Variants in PIK3R4 observed in about 807,000 individuals in gnomAD.
PIK3R4 encodes the protein phosphoinositide 3-kinase regulatory subunit 4.
In PIK3R4, 46 loss-of-function variants were observed where a neutral mutation model predicts 136.5. The ratio of observed to expected loss-of-function variants is 0.34; its 90% CI spans 0.27 to 0.43. The LOEUF (loss-of-function observed/expected upper bound fraction) is 0.43. Ranked by LOEUF, PIK3R4 falls within the 20% of genes least tolerant of loss-of-function variation. The pLI is 1.00. For missense variants in PIK3R4, 1,331 were observed against 1,649.5 expected (o/e 0.81, Z 3.35); for synonymous variants, 557 against 566.7 (o/e 0.98, Z 0.24).
intron 3 of PIK3R4, among the ~76,000 whole-genome samples, chr3:130,734,733 T>C (rs2066776625): frequency 7.4e-6 from 1 of 135,076 alleles, no homozygotes; most frequent in Non-Finnish European, 1.5e-5. Context: ...TTTGAATTTA[T>C]CCTATGGTTT....
chr3:130,727,515 G>A lies in PIK3R4; in HGVS notation c.1807+948C>T, dbSNP rs529991124. Among the ~76,000 whole-genome samples, 15 of 141,814 alleles carry A rather than the reference G, an allele frequency of 1.1e-4. No homozygotes were observed. The East Asian group carries it at 2.5e-3, about 24-fold the overall frequency. 93.0% of individuals were successfully genotyped at this position (141,814 alleles called of 152,430 possible). A position where few individuals can be genotyped will look rare whatever the true frequency, so the allele number is the denominator to read the frequency against. ...TGGGATTACAGGCGTGAGCCACGGC[G>A]CCCGGCCCTTAAAGTCTTACAGCTT... On this transcript the variant is annotated intron_variant, in intron 6 of 19. Coordinates refer to ENST00000356763, the MANE Select transcript of PIK3R4 (RefSeq NM_014602.3).
chr3:130,714,874 T>C (rs2107611874), intron 9 of PIK3R4, among the ~76,000 whole-genome samples: 2 of 152,282 alleles, frequency 1.3e-5, no homozygotes, highest in Admixed American at 1.3e-4. Context: ...TGGTTCCATG[T>C]CTTTGCTATT....
chr3:130,708,530 C>A, intron 9 of PIK3R4, 38 bp from the exon 10 acceptor site: 1 of 1,540,914 alleles, frequency 6.5e-7, no homozygotes, highest in South Asian at 1.2e-5. Context: ...AGTTTATTTT[C>A]ACAAATAATA....
chr3:130,718,338 A>G (rs750579025), intron 8 of PIK3R4, 51 bp downstream of exon 8: 1 of 1,508,654 alleles, frequency 6.6e-7, no homozygotes. Context: ...CATTTTTTTT[A>G]AAGAGGCACA....
At chr3:130,681,667 C>T (rs2066459344) in intron 16 of PIK3R4, 76 bp from the exon 17 acceptor site, 2 of 838,240 alleles carry the variant, frequency 2.4e-6, no homozygotes, top group Non-Finnish European at 3.9e-6. Flanking sequence ...AAATTGCAGT[C>T]CTGAGAGAAA....
chr3:130,706,762 T>C (rs2066608194), intron 11 of PIK3R4, among the ~76,000 whole-genome samples, 186 bp downstream of exon 11: 1 of 152,220 alleles, frequency 6.6e-6, no homozygotes, highest in Admixed American at 6.5e-5. Flanking sequence ...TTTAGTACTT[T>C]CAATAACTAG....
intron 13 of PIK3R4, among the ~76,000 whole-genome samples, chr3:130,700,251 T>A (rs770778455): frequency 4.6e-5 from 7 of 152,146 alleles, no homozygotes; most frequent in Non-Finnish European, 1.0e-4. Context: ...TACCAGTGAC[T>A]CCAAAACATG....
chr3:130,707,862 G>C, intron 10 of PIK3R4, among the ~76,000 whole-genome samples: 1 of 152,152 alleles, frequency 6.6e-6, no homozygotes, highest in Admixed American at 6.5e-5. Flanking sequence ...GTATTTCATT[G>C]TTAATAGCAA....
At chr3:130,744,326 C>T (rs1209211982) in intron 2 of PIK3R4, among the ~76,000 whole-genome samples, 160 bp downstream of exon 2, 1 of 152,184 alleles carries the variant, frequency 6.6e-6, no homozygotes, top group Non-Finnish European at 1.5e-5. Flanking sequence ...GGCATTTAAA[C>T]ATATCCAATG....
rs1160305765 is a variant in PIK3R4, at chr3:130,730,214, C to G, written c.1585+94G>C. 6 of 1,002,608 alleles carry G rather than the reference C, an allele frequency of 6.0e-6. No individual in the cohort carries two copies. The African/African-American group carries it at 9.9e-5, about 17-fold the overall frequency. 62.1% of individuals were successfully genotyped at this position (1,002,608 alleles called of 1,614,324 possible). ...CTAATATATAGATCTGGTATTCCTT[C>G]ACCTTACATGAAAACTACAAATGAT... is the stretch of plus-strand genomic sequence containing the variant. On this transcript the variant is annotated intron_variant, in intron 5 of 19. Transcript: ENST00000356763.
chr3:130,730,334 G>A lies in PIK3R4; in HGVS notation c.1559C>T (p.Thr520Ile). ...DPNNEEIDEV[T>I]HPNGNYDTEL... ...TGTGTCATAATTTCCATTTGGATGT[G>A]TAACCTCATCTATTTCTTCATTATT... The change falls in exon 5 of 20, where the codon ACA becomes ATA. Residue 520 changes from threonine to isoleucine, a missense_variant. Physicochemically the swap from Thr to Ile is moderately conservative, Grantham distance 89 (BLOSUM62 -1). Around this residue, in one of 2 missense-constraint regions of PIK3R4, gnomAD observed 1,180 missense variants for 1,407.0 expected, o/e 0.84. Transcript: ENST00000356763. The A allele has an allele frequency of 6.3e-7, 1 of 1,593,586 alleles. No individual in the cohort carries two copies. The highest frequency in any genetic ancestry group is 8.5e-7 in the Non-Finnish European group (1 of 1,171,870).
chr3:130,679,273 ATTATAT>A lies in PIK3R4; in HGVS notation c.*36_*41del, dbSNP rs776933659. 8.2e-5 allele frequency: 102 copies of A among 1,240,118 alleles called. No homozygotes were observed. Among genetic ancestry groups the A allele is most frequent in the East Asian group, 4.8e-4 (18 of 37,828 alleles). The allele number at this position is 1,240,118 out of a possible 1,614,324, so 76.8% of individuals were successfully genotyped here. Reference sequence around the variant, plus strand: ...GAAATGCCTTTTCTCGAGTTATAGTATTATATTTATAACTATTAAAATTTATACAAA... The same window carrying A: ...GAAATGCCTTTTCTCGAGTTATAGTATTATAACTATTAAAATTTATACAAA... On this transcript the variant is annotated 3_prime_UTR_variant, in exon 20 of 20. Coordinates refer to ENST00000356763, the MANE Select transcript of PIK3R4 (RefSeq NM_014602.3).
intron 9 of PIK3R4, among the ~76,000 whole-genome samples, chr3:130,713,497 C>A (rs1382627127): frequency 6.6e-6 from 1 of 152,098 alleles, no homozygotes; most frequent in Admixed American, 6.5e-5. Context: ...ATTACAAGAA[C>A]CGTAGGAAGC....
intron 15 of PIK3R4, among the ~76,000 whole-genome samples, chr3:130,685,965 G>T (rs2066487449): frequency 6.6e-6 from 1 of 151,930 alleles, no homozygotes; most frequent in Non-Finnish European, 1.5e-5. Context: ...AAAGTAAGGA[G>T]GCTCATTTAA....
In PIK3R4 at chr3:130,734,136, C is replaced by T; in HGVS notation, c.868-6G>A. The T allele has an allele frequency of 6.3e-7, 1 of 1,580,790 alleles. No homozygotes were observed. The highest frequency in any genetic ancestry group is 8.6e-7 in the Non-Finnish European group (1 of 1,163,518). On this transcript the variant is annotated splice_polypyrimidine_tract_variant and splice_region_variant and intron_variant, in intron 3 of 19. Coordinates refer to ENST00000356763, the MANE Select transcript of PIK3R4 (RefSeq NM_014602.3). Reference sequence around the variant, plus strand: ...CGGTGAATCATCTGAGTTACCTATACCAAGGGAAGAAAAGGAATTAAAATA... The same window carrying T: ...CGGTGAATCATCTGAGTTACCTATATCAAGGGAAGAAAAGGAATTAAAATA...
intron 5 of PIK3R4, among the ~76,000 whole-genome samples, chr3:130,729,239 C>T (rs1400329132): frequency 6.6e-6 from 1 of 152,172 alleles, no homozygotes. Flanking sequence ...TACTTAGCTG[C>T]CTGTCTTCTT....
At chr3:130,713,840 T>A (rs576512047) in intron 9 of PIK3R4, among the ~76,000 whole-genome samples, 5 of 152,150 alleles carry the variant, frequency 3.3e-5, no homozygotes, top group Admixed American at 6.5e-5. Flanking sequence ...GCCCAGCCAA[T>A]TTTTTGGATT....
Position 130,681,509 on chromosome 3 carries a change from T to C in PIK3R4, c.3690A>G (p.Pro1230=), listed in dbSNP as rs1261185709. ...GTCAAACCTGTAATTCAGAAAGTGGTGGTGCACTGCTGGCCCAGAGAGTAA... is the reference window on the plus strand; with the variant it reads ...GTCAAACCTGTAATTCAGAAAGTGGCGGTGCACTGCTGGCCCAGAGAGTAA... ...RRFTLWASSA[P]PLSELQPSPH... is the part of the protein sequence containing the mutation. Residue 1230 remains proline (P), a synonymous_variant, in exon 17 of 20, where the codon CCA becomes CCG. Coordinates refer to ENST00000356763, the MANE Select transcript of PIK3R4 (RefSeq NM_014602.3). 3 of 1,604,982 alleles carry C rather than the reference T, an allele frequency of 1.9e-6. No individual in the cohort carries two copies. Among genetic ancestry groups the C allele is most frequent in the Non-Finnish European group, 2.6e-6 (3 of 1,171,848 alleles).
chr3:130,708,764 T>C (rs984328353), intron 9 of PIK3R4, among the ~76,000 whole-genome samples: 3 of 152,276 alleles, frequency 2.0e-5, no homozygotes, highest in Non-Finnish European at 4.4e-5. Context: ...TATTCACACA[T>C]AACTCATCTT....
Sources: gnomAD v4.1 joint callset for allele counts (sites outside exome capture counted in the v4.1 genomes callset) on GRCh38, gnomAD v4.1.1 for gene constraint, gnomAD v4.1.1 regional missense constraint, MANE v1.5 for transcripts, NCBI Gene and HGNC (gene_info 2026-07-23, HGNC 2026-07-21) for gene names.